Variants in OSBPL9 observed in about 807,000 individuals in gnomAD.
The protein encoded by OSBPL9 is oxysterol-binding protein-related protein 9.
In OSBPL9, 40 loss-of-function variants were observed where a neutral mutation model predicts 106.6. That is an observed-to-expected ratio of 0.38 (90% CI 0.29 to 0.49). The LOEUF is 0.49. Ranked by LOEUF, OSBPL9 falls within the 20% of genes least tolerant of loss-of-function variation. OSBPL9 has a pLI of 0.97. For missense variants in OSBPL9, 609 were observed against 887.2 expected, an observed-to-expected ratio of 0.69 and a Z score of 3.98; for synonymous variants, 269 against 295.4, an observed-to-expected ratio of 0.91 and a Z score of 0.92.
chr1:51,672,026 G>A (rs571580089), intron 3 of OSBPL9, among the ~76,000 whole-genome samples: 2 of 152,322 alleles, frequency 1.3e-5, no homozygotes, highest in Admixed American at 6.5e-5. Flanking sequence ...GGAGAGTAAT[G>A]GAGAATGAAA....
intron 1 of OSBPL9, among the ~76,000 whole-genome samples, chr1:51,587,164 G>A (rs569157421): frequency 4.6e-5 from 7 of 152,272 alleles, no homozygotes; most frequent in Admixed American, 1.3e-4. Flanking sequence ...TCAGGAGTTC[G>A]AGACTGGCCT....
chr1:51,570,323 G>C, the OSBPL9 span, among the ~76,000 whole-genome samples: 26 of 152,272 alleles, frequency 1.7e-4, no homozygotes, highest in African/African-American at 6.0e-4. Context: ...CCCATGAAGT[G>C]GGTTCTCCTA....
chr1:51,657,615 G>T (rs1646894009), intron 2 of OSBPL9, among the ~76,000 whole-genome samples: 1 of 152,194 alleles, frequency 6.6e-6, no homozygotes, highest in African/African-American at 2.4e-5. Context: ...ACCAGTGGAG[G>T]AAAGCAGAAA....
At chr1:51,687,426 G>A (rs1289238149) in intron 3 of OSBPL9, among the ~76,000 whole-genome samples, 1 of 152,220 alleles carries the variant, frequency 6.6e-6, no homozygotes, top group Non-Finnish European at 1.5e-5. Flanking sequence ...AATAATTACA[G>A]TACAACATAA....
chr1:51,528,858 A>G, the OSBPL9 span, among the ~76,000 whole-genome samples: 1 of 152,324 alleles, frequency 6.6e-6, no homozygotes, highest in African/African-American at 2.4e-5. Context: ...TGGGAGACAG[A>G]ACGAGACTGT....
chr1:51,625,598 G>A (rs1042817120), intron 1 of OSBPL9, among the ~76,000 whole-genome samples: 2 of 151,136 alleles, frequency 1.3e-5, no homozygotes, highest in South Asian at 2.1e-4. Flanking sequence ...TTGGCTCACC[G>A]CAACGTCCAG....
In OSBPL9 at chr1:51,785,848, G is replaced by C; in HGVS notation, c.1870G>C (p.Glu624Gln). The C allele has an allele frequency of 6.2e-7, 1 of 1,609,190 alleles. No individual in the cohort carries two copies. The highest frequency in any genetic ancestry group is 8.5e-7 in the Non-Finnish European group (1 of 1,178,944). Residue 624 changes from glutamate (E) to glutamine (Q), a missense_variant, in exon 21 of 24, where the codon GAA becomes CAA. Coordinates refer to ENST00000428468, the MANE Select transcript of OSBPL9 (RefSeq NM_024586.6). ...DKKSFCSIEG[E>Q]WNGVMYAKYA... ...GAAGTCTTTTTGCTCAATTGAAGGG[G>C]AATGGAATGGTGTGATGTATGCAAA...
intron 3 of OSBPL9, among the ~76,000 whole-genome samples, chr1:51,703,805 T>C (rs1234596838): frequency 6.6e-6 from 1 of 152,190 alleles, no homozygotes. Context: ...TTTGAGATAC[T>C]TCCCATCAAC....
intron 1 of OSBPL9, among the ~76,000 whole-genome samples, chr1:51,632,624 A>C (rs774737938): frequency 5.5e-4 from 65 of 117,498 alleles, no homozygotes; most frequent in Admixed American, 3.1e-3. Context: ...GGTTAAGCAA[A>C]GACTCTTCCT....
chr1:51,772,286 C>A, intron 13 of OSBPL9, 104 bp downstream of exon 13: 1 of 910,590 alleles, frequency 1.1e-6, no homozygotes, highest in Non-Finnish European at 1.7e-6. Context: ...CCGAGGTGGG[C>A]AGATCACTTG....
At chr1:51,663,391 C>T (rs1185527155) in intron 2 of OSBPL9, among the ~76,000 whole-genome samples, 1 of 152,042 alleles carries the variant, frequency 6.6e-6, no homozygotes, top group Non-Finnish European at 1.5e-5. Flanking sequence ...TTCCTGCCTT[C>T]TCAGCCAACA....
In OSBPL9 at chr1:51,788,876, A is replaced by ATACAT. The variant is rs1283968008; in HGVS notation, c.*1090_*1094dup. Among the ~76,000 whole-genome samples, 8 of 151,836 alleles carry ATACAT rather than the reference A, an allele frequency of 5.3e-5. No individual in the cohort carries two copies. The East Asian group carries it at 1.4e-3, about 26-fold the overall frequency. ...TATCTATCATCTTTTTTATTTAAAA[A>ATACAT]TACATTAAAAAAACAGGTATTAGTA... is the stretch of plus-strand genomic sequence containing the variant. On this transcript the variant is annotated 3_prime_UTR_variant, in exon 24 of 24. Transcript: ENST00000428468.
chr1:51,691,431 C>T (rs1053636108), intron 3 of OSBPL9, among the ~76,000 whole-genome samples: 2 of 151,752 alleles, frequency 1.3e-5, no homozygotes, highest in Admixed American at 6.6e-5. Flanking sequence ...AGGCGAGCGC[C>T]ACCATGCCCG....
chr1:51,674,498 G>A (rs1231551426), intron 3 of OSBPL9, among the ~76,000 whole-genome samples: 3 of 152,146 alleles, frequency 2.0e-5, no homozygotes, highest in Admixed American at 2.0e-4. Flanking sequence ...TTATGTTTAA[G>A]GTGTCTGTGG....
At chr1:51,698,880 G>A (rs1656652204) in intron 3 of OSBPL9, among the ~76,000 whole-genome samples, 1 of 152,078 alleles carries the variant, frequency 6.6e-6, no homozygotes, top group South Asian at 2.1e-4. Context: ...TTTCTCATAT[G>A]AACAATTTGT....
chr1:51,579,887 A>AATAATAATAATAATT (rs1557574161), intron 1 of OSBPL9, among the ~76,000 whole-genome samples: 2 of 150,690 alleles, frequency 1.3e-5, no homozygotes. Flanking sequence ...TAATAATAAT[A>AATAATAATAATAATT]ATTTAAACGT....
At chr1:51,594,540 C>T (rs1414521190) in intron 1 of OSBPL9, among the ~76,000 whole-genome samples, 2 of 152,194 alleles carry the variant, frequency 1.3e-5, no homozygotes, top group Admixed American at 6.5e-5. Context: ...AAGGAACAAA[C>T]GTTTACTGCA....
the OSBPL9 span, chr1:51,538,816 A>G: frequency 3.9e-5 from 6 of 152,192 alleles, no homozygotes; most frequent in African/African-American, 1.4e-4. Flanking sequence ...ATCAGTGTCC[A>G]ATATTTTCTT....
intron 3 of OSBPL9, among the ~76,000 whole-genome samples, chr1:51,713,224 G>T (rs1244705426): frequency 2.0e-5 from 3 of 151,754 alleles, no homozygotes; most frequent in Admixed American, 6.6e-5. Flanking sequence ...ATCTTGGCTC[G>T]CTGCAACCTC....
Sources: gnomAD v4.1 joint callset for allele counts (sites outside exome capture counted in the v4.1 genomes callset) on GRCh38, gnomAD v4.1.1 for gene constraint, MANE v1.5 for transcripts, NCBI Gene and HGNC (gene_info 2026-07-23, HGNC 2026-07-21) for gene names.